SORCS2: variants seen among roughly 807,000 people sequenced by gnomAD.
SORCS2 encodes the protein sortilin related VPS10 domain containing receptor 2.
A neutral mutation model predicts 141.6 loss-of-function variants in SORCS2; 100 were observed. That is an observed-to-expected ratio of 0.71 (90% CI 0.60 to 0.83). The LOEUF (loss-of-function observed/expected upper bound fraction) is 0.83. Among genes scored for constraint, SORCS2 ranks in the 40% least tolerant of loss-of-function variants. SORCS2 has a pLI of 0.00. For synonymous variants in SORCS2, 789 were observed against 676.9 expected (o/e 1.17, Z -2.57); for missense variants, 1,646 against 1,560.2 (o/e 1.05, Z -0.93).
chr4:7,304,506 T>C (rs1293241997), intron 1 of SORCS2, among the ~76,000 whole-genome samples: 1 of 152,198 alleles, frequency 6.6e-6, no homozygotes, highest in Non-Finnish European at 1.5e-5. Context: ...GTGTGTTTGT[T>C]GAACAAATGT....
At chr4:7,391,337 T>A (rs1254240662) in intron 1 of SORCS2, among the ~76,000 whole-genome samples, 2 of 152,226 alleles carry the variant, frequency 1.3e-5, no homozygotes, top group Admixed American at 1.3e-4. Context: ...AATGCCGTTG[T>A]GGGTCCGAGG....
chr4:7,503,335 T>C (rs1254661688), intron 2 of SORCS2, among the ~76,000 whole-genome samples: 1 of 152,208 alleles, frequency 6.6e-6, no homozygotes, highest in Non-Finnish European at 1.5e-5. Flanking sequence ...CAGAGTTGTC[T>C]GTAAAAAGTT....
At chr4:7,255,886 C>T (rs1190363961) in intron 1 of SORCS2, among the ~76,000 whole-genome samples, 3 of 24,880 alleles carry the variant, frequency 1.2e-4, no homozygotes, top group Admixed American at 8.8e-4. Context: ...GGGGCTGGAG[C>T]GTGGGGACCC....
At chr4:7,732,100 G>C (rs577885417) in intron 23 of SORCS2, among the ~76,000 whole-genome samples, 222 of 152,308 alleles carry the variant, frequency 1.5e-3, no homozygotes, top group Non-Finnish European at 1.1e-3. Context: ...TCCATAGCCA[G>C]AAAACAGGTG....
Position 7,661,525 on chromosome 4 carries a change from C to G in SORCS2, c.913C>G (p.Pro305Ala). 6.4e-7 allele frequency: 1 copy of G among 1,551,766 alleles called. No individual in the cohort carries two copies. The highest frequency in any genetic ancestry group is 1.7e-4 in the Middle Eastern group (1 of 5,988). The change falls in exon 6 of 27, where the codon CCT (proline) becomes GCT (alanine). Residue 305 changes from proline to alanine, a missense_variant. Pro to Ala is a conservative substitution (Grantham distance 27, BLOSUM62 -1). Transcript: ENST00000507866. ...GTCTGTGTCTGGGGTGGACGCTGAC[C>G]CTGACTTGGTCCACGTGGAAGCCCA... is the stretch of plus-strand genomic sequence containing the variant. ...FWSVSGVDAD[P>A]DLVHVEAQDL... is the part of the protein sequence containing the mutation.
chr4:7,704,758 G>A (rs1161366647), intron 14 of SORCS2, among the ~76,000 whole-genome samples: 1 of 152,220 alleles, frequency 6.6e-6, no homozygotes, highest in East Asian at 1.9e-4. Context: ...GAGCAGAGAC[G>A]CTTAGGACAG....
At chr4:7,396,241 CT>C (rs751389720) in intron 1 of SORCS2, 46 bp from the exon 2 acceptor site, 3 of 1,589,216 alleles carry the variant, frequency 1.9e-6, no homozygotes, top group Non-Finnish European at 2.6e-6. Context: ...CTTTGAGAAC[CT>C]TGGCACCCAC....
At chr4:7,358,908 A>G (rs1721420074) in intron 1 of SORCS2, among the ~76,000 whole-genome samples, 1 of 152,166 alleles carries the variant, frequency 6.6e-6, no homozygotes, top group South Asian at 2.1e-4. Context: ...ATGTGATCAC[A>G]GCTCACTGCA....
chr4:7,193,275 C>A lies in SORCS2; in HGVS notation c.480+149C>A. On this transcript the variant is annotated intron_variant, in intron 1 of 26. Transcript: ENST00000507866. The surrounding 1 kb of genome is among the most constrained non-coding windows in gnomAD (Gnocchi z 4.8). ...TTGGGCACTTGGGTCACCTCGGCCG[C>A]GCCCCTACTGGCCTCTGGTCACTGG... 9.4e-7 allele frequency: 1 copy of A among 1,063,192 alleles called. No individual in the cohort carries two copies. The highest frequency in any genetic ancestry group is 1.2e-6 in the Non-Finnish European group (1 of 813,616). 65.9% of individuals were successfully genotyped at this position (1,063,192 alleles called of 1,614,324 possible). A position where few individuals can be genotyped will look rare whatever the true frequency, so the allele number is the denominator to read the frequency against.
rs1726959449 is a variant in SORCS2 at position 7,193,247 on chromosome 4, G to A, written c.480+121G>A. The A allele has an allele frequency of 8.0e-7, 1 of 1,251,674 alleles. No homozygotes were observed. Among genetic ancestry groups the A allele is most frequent in the African/African-American group, 1.6e-5 (1 of 64,068 alleles). 77.5% of individuals were successfully genotyped at this position (1,251,674 alleles called of 1,614,324 possible). ...TGGTCATCAGGGGCGGGTTCTTGGC[G>A]ACTTGGGCACTTGGGTCACCTCGGC... On this transcript the variant is annotated intron_variant, in intron 1 of 26. Coordinates refer to ENST00000507866, the MANE Select transcript of SORCS2 (RefSeq NM_020777.3). The surrounding 1 kb of genome is among the most constrained non-coding windows in gnomAD (Gnocchi z 4.8).
chr4:7,514,515 GTAGAGTCATGGCAGGGCTGGTTA>G (rs1732855714), intron 2 of SORCS2, among the ~76,000 whole-genome samples: 1 of 151,890 alleles, frequency 6.6e-6, no homozygotes, highest in Non-Finnish European at 1.5e-5. Context: ...AGAATCCCTG[GTAGAGTCATGGCAGGGCTGGTTA>G]TAGAGTCATG....
At position 7,509,723 on chromosome 4, in the gene SORCS2, C is replaced by T. The variant is rs181598636; in HGVS notation, c.549-21807C>T. 3.9e-5 allele frequency among the ~76,000 whole-genome samples: 6 copies of T among 152,266 alleles called. No homozygotes were observed. In the East Asian group the frequency reaches 1.2e-3, roughly 29 times the overall value. On this transcript the variant is annotated intron_variant, in intron 2 of 26. Transcript: ENST00000507866. ...AAGCCATTCTGCTGCCAGGCTATGC[C>T]CCATCTGGGCTCTGGAGAGAAGGCT... is the stretch of plus-strand genomic sequence containing the variant.
At chr4:7,207,993 G>A (rs1342045293) in intron 1 of SORCS2, among the ~76,000 whole-genome samples, 2 of 152,118 alleles carry the variant, frequency 1.3e-5, no homozygotes, top group African/African-American at 2.4e-5. Flanking sequence ...TGTCTGGGGC[G>A]GGAAGGGAGT....
intron 3 of SORCS2, among the ~76,000 whole-genome samples, chr4:7,599,028 A>G (rs1033154518): frequency 1.3e-5 from 2 of 152,228 alleles, no homozygotes; most frequent in Non-Finnish European, 2.9e-5. Flanking sequence ...AGCCGGGAGA[A>G]GTGGGCCGAT....
intron 9 of SORCS2, among the ~76,000 whole-genome samples, chr4:7,677,998 G>A (rs1723276133): frequency 6.6e-6 from 1 of 152,178 alleles, no homozygotes; most frequent in Non-Finnish European, 1.5e-5. Context: ...GGGACTCCAC[G>A]GCCAACCTGT....
At position 7,572,119 on chromosome 4, in the gene SORCS2, G is replaced by T. The variant is rs4689783; in HGVS notation, c.648+40490G>T. Among the ~76,000 whole-genome samples, 436 of 152,220 alleles carry T rather than the reference G, an allele frequency of 2.9e-3. 2 individuals carry two copies. Among genetic ancestry groups the T allele is most frequent in the African/African-American group, 9.9e-3 (411 of 41,516 alleles). ...TCCGTGAAATTCAAGCAGCCTCCTG[G>T]TCTTGAAGCTCCTCAGTTCCCTGTG... On this transcript the variant is annotated intron_variant, in intron 3 of 26. Transcript: ENST00000507866.
chr4:7,511,422 AG>A (rs1405578462), intron 2 of SORCS2, among the ~76,000 whole-genome samples: 1 of 49,366 alleles, frequency 2.0e-5, no homozygotes, highest in African/African-American at 6.6e-5. Flanking sequence ...GGAGGGAGAG[AG>A]GGGCGGGGTT....
At chr4:7,392,898 C>G (rs1310331275) in intron 1 of SORCS2, among the ~76,000 whole-genome samples, 6 of 137,670 alleles carry the variant, frequency 4.4e-5, no homozygotes, top group African/African-American at 1.6e-4. Flanking sequence ...CCCTCCCAGT[C>G]GGGGGGGGGG....
intron 2 of SORCS2, among the ~76,000 whole-genome samples, chr4:7,513,504 C>T (rs1045761048): frequency 1.3e-5 from 2 of 152,238 alleles, no homozygotes; most frequent in African/African-American, 4.8e-5. Context: ...GGACTGCTGG[C>T]CCCCATGTGG....
Sources: gnomAD v4.1 joint callset for allele counts (sites outside exome capture counted in the v4.1 genomes callset) on GRCh38, gnomAD v4.1.1 for gene constraint, Gnocchi (gnomAD v3.1) non-coding constraint, MANE v1.5 for transcripts, NCBI Gene and HGNC (gene_info 2026-07-23, HGNC 2026-07-21) for gene names.